The following BSDC1 variants were observed in gnomAD, a reference collection of about 807,000 sequenced individuals.
BSDC1 encodes the protein BSD domain-containing protein 1.
A neutral mutation model predicts 56.0 loss-of-function variants in BSDC1; 29 were observed. That is an observed-to-expected ratio of 0.52 (90% confidence interval 0.39 to 0.71). The LOEUF is 0.71. Ranked by LOEUF, BSDC1 falls within the 30% of genes least tolerant of loss-of-function variation. The pLI is 0.00. For missense variants in BSDC1, 477 were observed against 548.5 expected (o/e 0.87, Z 1.30); for synonymous variants, 210 against 215.3 (o/e 0.98, Z 0.21).
chr1:32,370,387 G>A (rs1390672385), intron 9 of BSDC1, among the ~76,000 whole-genome samples: 1 of 152,118 alleles, frequency 6.6e-6, no homozygotes, highest in African/African-American at 2.4e-5. Context: ...AGCCCTGTGA[G>A]TGCCAGGATC....
At position 32,378,682 on chromosome 1, in the gene BSDC1, C is replaced by G; in HGVS notation, c.528+42G>C. 5.2e-6 allele frequency: 7 copies of G among 1,356,776 alleles called. No individual in the cohort carries two copies. Among genetic ancestry groups the G allele is most frequent in the Non-Finnish European group, 4.9e-6 (5 of 1,019,150 alleles). 84.0% of individuals were successfully genotyped at this position (1,356,776 alleles called of 1,614,324 possible). On this transcript the variant is annotated intron_variant, in intron 6 of 10. Transcript: ENST00000455895. The surrounding 1 kb of genome is among the most constrained non-coding windows in gnomAD (Gnocchi z 5.2). The stretch of plus-strand genomic sequence containing the variant: ...ATGTCCCTCCCACCTCCCAACACCT[C>G]AAGCCTGGAGCTGGCTGAGGCCCTG...
At chr1:32,391,199 A>G (rs1642854112) in intron 2 of BSDC1, among the ~76,000 whole-genome samples, 1 of 152,190 alleles carries the variant, frequency 6.6e-6, no homozygotes, top group Admixed American at 6.5e-5. Context: ...CAAATGCAGC[A>G]GAATGGTCCA....
chr1:32,376,154 G>GA (rs1001875219), intron 9 of BSDC1, 108 bp downstream of exon 9: 18 of 1,271,184 alleles, frequency 1.4e-5, no homozygotes, highest in East Asian at 5.1e-5. Context: ...TATCAGAAAC[G>GA]AAAAAAAATC....
chr1:32,370,319 A>G (rs982367260), intron 9 of BSDC1, among the ~76,000 whole-genome samples: 4 of 152,212 alleles, frequency 2.6e-5, no homozygotes, highest in African/African-American at 9.7e-5. Flanking sequence ...ACTTTCTAAC[A>G]TATTACATAA....
At chr1:32,391,900 T>C (rs1162409055) in intron 2 of BSDC1, among the ~76,000 whole-genome samples, 2 of 152,234 alleles carry the variant, frequency 1.3e-5, no homozygotes, top group Admixed American at 1.3e-4. Context: ...AATGCTTATA[T>C]AGCACTTACT....
rs761986602 is a variant in BSDC1 at position 32,368,431 on chromosome 1, C to A, written c.1260+16G>T. ...CCATTAGGCTCGCTTCCCTCTGACC[C>A]ACCAGGCCCACTCACCTCCCCGGAG... On this transcript the variant is annotated intron_variant, in intron 10 of 10. Transcript: ENST00000455895. The A allele has an allele frequency of 6.2e-7, 1 of 1,614,024 alleles. No individual in the cohort carries two copies. The highest frequency in any genetic ancestry group is 1.7e-5 in the Admixed American group (1 of 60,000).
chr1:32,366,690 CAT>C (rs1223629948), intron 10 of BSDC1, 36 bp from the exon 11 acceptor site: 1 of 1,456,616 alleles, frequency 6.9e-7, no homozygotes, highest in Non-Finnish European at 9.1e-7. Flanking sequence ...ATCACAAACA[CAT>C]AGTTACTCCT....
chr1:32,372,537 C>T (rs1642129143), intron 9 of BSDC1, among the ~76,000 whole-genome samples: 1 of 152,182 alleles, frequency 6.6e-6, no homozygotes, highest in Non-Finnish European at 1.5e-5. Flanking sequence ...TCCCAGTATA[C>T]GGATGAGGAA....
chr1:32,371,350 G>A (rs1198127781), intron 9 of BSDC1, among the ~76,000 whole-genome samples: 5 of 127,678 alleles, frequency 3.9e-5, no homozygotes, highest in South Asian at 2.4e-4. Context: ...TCTCACTCTC[G>A]CCCAGGCTGG....
In BSDC1 at chr1:32,378,819, C is replaced by T. The variant is rs1240626747; in HGVS notation, c.433G>A (p.Ala145Thr). 7.2e-6 allele frequency: 11 copies of T among 1,530,574 alleles called. No individual in the cohort carries two copies. Among genetic ancestry groups the T allele is most frequent in the African/African-American group, 2.8e-5 (2 of 71,734 alleles). 94.8% of individuals were successfully genotyped at this position (1,530,574 alleles called of 1,614,324 possible). Residue 145 changes from alanine (A) to threonine (T), a missense_variant, in exon 6 of 11, where the codon GCC becomes ACC. Coordinates refer to ENST00000455895, the MANE Select transcript of BSDC1 (RefSeq NM_018045.8). The surrounding 1 kb of genome is among the most constrained non-coding windows in gnomAD (Gnocchi z 5.2). ...EPDGPPELFD[A>T]WLSQFCLEEK... is the part of the protein sequence containing the mutation. The stretch of plus-strand genomic sequence containing the variant: ...TCCAAGCAGAACTGGGAAAGCCAGG[C>T]GTCAAACAATTCCGGGGGCCCTGCA...
In BSDC1 at chr1:32,376,260, A is replaced by T; in HGVS notation, c.1156+2T>A. The stretch of plus-strand genomic sequence containing the variant: ...CCTCTGGGCTTGGACCTCCAGACCT[A>T]CCTTTCTTTCCATTGTTGGAGGGTG... On this transcript the variant is annotated splice_donor_variant, in intron 9 of 10. Coordinates refer to ENST00000455895, the MANE Select transcript of BSDC1 (RefSeq NM_018045.8). LOFTEE classifies it high-confidence loss of function. The T allele has an allele frequency of 6.7e-7, 1 of 1,491,352 alleles. No homozygotes were observed. Among genetic ancestry groups the T allele is most frequent in the South Asian group, 1.4e-5 (1 of 72,730 alleles). 92.4% of individuals were successfully genotyped at this position (1,491,352 alleles called of 1,614,324 possible).
At chr1:32,380,467 G>A (rs1642442285) in intron 5 of BSDC1, among the ~76,000 whole-genome samples, 1 of 152,136 alleles carries the variant, frequency 6.6e-6, no homozygotes, top group African/African-American at 2.4e-5. Context: ...CCAACATGGT[G>A]AAACCCTGTC....
chr1:32,372,747 C>T (rs1030795540), intron 9 of BSDC1, among the ~76,000 whole-genome samples: 7 of 152,150 alleles, frequency 4.6e-5, no homozygotes, highest in African/African-American at 9.7e-5. Context: ...TGGAAGTTTT[C>T]GGGTGATTGC....
At chr1:32,377,065 G>T (rs1346783362) in intron 8 of BSDC1, among the ~76,000 whole-genome samples, 1 of 152,198 alleles carries the variant, frequency 6.6e-6, no homozygotes, top group Non-Finnish European at 1.5e-5. Context: ...GAACCCGGGA[G>T]GCGGTGGTTG....
intron 2 of BSDC1, 76 bp from the exon 3 acceptor site, chr1:32,386,971 G>T: frequency 1.8e-6 from 2 of 1,111,744 alleles, no homozygotes; most frequent in Non-Finnish European, 1.3e-6. Context: ...TGTTTCTTCA[G>T]TACCAGACAG....
chr1:32,368,215 A>G, intron 10 of BSDC1: 1 of 1,447,968 alleles, frequency 6.9e-7, no homozygotes, highest in Non-Finnish European at 9.1e-7. Context: ...ATTTTGATAC[A>G]GAGCTAAGGT....
chr1:32,377,924 C>T (rs756507297), intron 8 of BSDC1, 46 bp downstream of exon 8: 1 of 1,570,380 alleles, frequency 6.4e-7, no homozygotes, highest in East Asian at 2.2e-5. Flanking sequence ...CCCAGAGCGT[C>T]CCGCACAGAT....
At chr1:32,367,345 G>A in intron 10 of BSDC1, 1 of 985,464 alleles carries the variant, frequency 1.0e-6, no homozygotes. Context: ...CAAAAAGCCA[G>A]CAAGCCCCTG....
Position 32,376,372 on chromosome 1 carries a change from CTGGGCTCTGGGCCGCCGGTG to C in BSDC1, c.1026_1045del (p.His342GlnfsTer21). The C allele has an allele frequency of 6.2e-7, 1 of 1,613,646 alleles. No homozygotes were observed. Among genetic ancestry groups the C allele is most frequent in the Non-Finnish European group, 8.5e-7 (1 of 1,179,668 alleles). On this transcript the variant is annotated frameshift_variant, in exon 9 of 11. Transcript: ENST00000455895. LOFTEE classifies it high-confidence loss of function. Reference sequence around the variant, plus strand: ...CAGAGTCTCTACTCTGGCTGGAGGCCTGGGCTCTGGGCCGCCGGTGTGGCCAGCAGGCGTTAGGGGCTTGG... The same window carrying C: ...CAGAGTCTCTACTCTGGCTGGAGGCCTGGCCAGCAGGCGTTAGGGGCTTGG...
Sources: allele counts gnomAD v4.1 joint callset (sites outside exome capture counted in the v4.1 genomes callset), GRCh38; gene constraint gnomAD v4.1.1; non-coding constraint Gnocchi (gnomAD v3.1); transcripts MANE v1.5; gene names NCBI Gene and HGNC (gene_info 2026-07-23, HGNC 2026-07-21).